MARK1: variants seen among roughly 807,000 people sequenced by gnomAD.
MARK1 encodes serine/threonine-protein kinase MARK1.
A neutral mutation model predicts 96.3 loss-of-function variants in MARK1; 40 were observed. The ratio of observed to expected loss-of-function variants is 0.42; its 90% CI spans 0.32 to 0.54. The LOEUF is 0.54. MARK1 is among the 20% of genes least tolerant of loss of function. MARK1 has a pLI of 0.16. For missense variants in MARK1, 719 were observed against 984.6 expected (o/e 0.73, Z 3.61); for synonymous variants, 317 against 341.2 (o/e 0.93, Z 0.78).
At chr1:220,548,561 G>T (rs1208692927) in intron 1 of MARK1, among the ~76,000 whole-genome samples, 1 of 152,132 alleles carries the variant, frequency 6.6e-6, no homozygotes, top group Admixed American at 6.5e-5. Flanking sequence ...CCAACATGGC[G>T]AAACTCCATC....
chr1:220,634,003 C>G (rs1667814669), intron 11 of MARK1, among the ~76,000 whole-genome samples: 1 of 152,120 alleles, frequency 6.6e-6, no homozygotes, highest in Admixed American at 6.5e-5. Context: ...AAGGACTTTA[C>G]AAATACTAAT....
intron 3 of MARK1, among the ~76,000 whole-genome samples, chr1:220,581,982 C>T (rs1664275404): frequency 6.6e-6 from 1 of 152,162 alleles, no homozygotes; most frequent in African/African-American, 2.4e-5. Flanking sequence ...ACCATTGTCA[C>T]ATATGTAATT....
At chr1:220,622,009 A>G (rs1558304521) in intron 9 of MARK1, among the ~76,000 whole-genome samples, 1 of 152,190 alleles carries the variant, frequency 6.6e-6, no homozygotes, top group Non-Finnish European at 1.5e-5. Flanking sequence ...GCAAACAGTT[A>G]TATAATTTTT....
intron 1 of MARK1, among the ~76,000 whole-genome samples, chr1:220,548,792 G>T (rs1661671865): frequency 6.6e-6 from 1 of 152,032 alleles, no homozygotes; most frequent in Admixed American, 6.6e-5. Flanking sequence ...AATAAATAAA[G>T]AACAAACACC....
chr1:220,579,616 C>A, intron 2 of MARK1, 59 bp downstream of exon 2: 1 of 1,379,486 alleles, frequency 7.2e-7, no homozygotes, highest in Non-Finnish European at 1.0e-6. Flanking sequence ...CTTGTTAAAG[C>A]TTCCTTATAG....
rs145926302 is a variant in MARK1 at position 220,652,127 on chromosome 1, C to T, written c.1713C>T (p.Asp571=). 81 of 1,611,302 alleles carry T rather than the reference C, an allele frequency of 5.0e-5. No homozygotes were observed. The highest frequency in any genetic ancestry group is 3.6e-4 in the African/African-American group (27 of 74,986). ...AAGTCACACTGCCAACCATTAAAGA[C>T]GGCTCTGAAGCTTACCGGCCTGGGT... ...PIKVTLPTIK[D]GSEAYRPGTT... Residue 571 remains aspartate, a synonymous_variant, in exon 15 of 18, where the codon GAC becomes GAT. Transcript: ENST00000366917.
intron 1 of MARK1, 29 bp downstream of exon 1, chr1:220,528,902 A>T: frequency 6.5e-7 from 1 of 1,544,350 alleles, no homozygotes. Flanking sequence ...CCTCGGGAGC[A>T]GTGGGGGCGA....
intron 5 of MARK1, among the ~76,000 whole-genome samples, chr1:220,601,852 A>G (rs1266802717): frequency 1.3e-5 from 2 of 152,202 alleles, no homozygotes; most frequent in Non-Finnish European, 2.9e-5. Flanking sequence ...TTTGGGAGGC[A>G]CAGTGGGGAG....
At chr1:220,623,797 G>A (rs926193646) in intron 9 of MARK1, among the ~76,000 whole-genome samples, 2 of 152,098 alleles carry the variant, frequency 1.3e-5, no homozygotes, top group African/African-American at 2.4e-5. Context: ...TACAATCTGT[G>A]TGCTTAGTAA....
chr1:220,568,290 A>G (rs974367551), intron 1 of MARK1, among the ~76,000 whole-genome samples: 2 of 152,168 alleles, frequency 1.3e-5, no homozygotes, highest in African/African-American at 4.8e-5. Context: ...TGCAAAGATG[A>G]GATTTAAGCA....
intron 9 of MARK1, chr1:220,627,621 G>A (rs1178884759): frequency 4.2e-6 from 1 of 235,996 alleles, no homozygotes; most frequent in Non-Finnish European, 8.4e-6. Context: ...TATGCTGGGT[G>A]AACTCTTCTA....
intron 1 of MARK1, among the ~76,000 whole-genome samples, chr1:220,571,565 G>A (rs1454283508): frequency 1.3e-5 from 2 of 152,066 alleles, no homozygotes; most frequent in East Asian, 3.9e-4. Context: ...TTATTGTATA[G>A]TAACATAATA....
chr1:220,656,133 T>C (rs1461500063), intron 16 of MARK1, among the ~76,000 whole-genome samples: 1 of 152,204 alleles, frequency 6.6e-6, no homozygotes, highest in Non-Finnish European at 1.5e-5. Context: ...TTTTAAGTGT[T>C]AAGTGTTGGA....
chr1:220,630,334 A>T (rs1017010736), intron 9 of MARK1, among the ~76,000 whole-genome samples: 2 of 152,120 alleles, frequency 1.3e-5, no homozygotes, highest in African/African-American at 4.8e-5. Context: ...CATTCTTTAC[A>T]TATTCTGAAT....
chr1:220,532,969 C>A (rs576463465), intron 1 of MARK1, among the ~76,000 whole-genome samples: 1 of 151,478 alleles, frequency 6.6e-6, no homozygotes, highest in Admixed American at 6.6e-5. Flanking sequence ...AAGATCACAC[C>A]GCTGCACTCC....
chr1:220,536,188 A>C (rs1660668238), intron 1 of MARK1, among the ~76,000 whole-genome samples: 1 of 152,086 alleles, frequency 6.6e-6, no homozygotes, highest in Non-Finnish European at 1.5e-5. Context: ...TTCGGCATAT[A>C]AGATAATCTC....
intron 3 of MARK1, among the ~76,000 whole-genome samples, chr1:220,590,429 A>G (rs1048695186): frequency 2.6e-5 from 4 of 152,060 alleles, no homozygotes; most frequent in South Asian, 2.1e-4. Context: ...TGGCCTGCAC[A>G]TGACTAGTTC....
At chr1:220,584,648 T>C (rs1664469381) in intron 3 of MARK1, among the ~76,000 whole-genome samples, 1 of 152,208 alleles carries the variant, frequency 6.6e-6, no homozygotes, top group African/African-American at 2.4e-5. Context: ...ATAATCTTTG[T>C]CATGTTGAAG....
At chr1:220,661,704 A>G (rs962986892) in intron 17 of MARK1, 108 bp from the exon 18 acceptor site, 2 of 745,956 alleles carry the variant, frequency 2.7e-6, no homozygotes, top group South Asian at 2.0e-5. Context: ...CAAATTAGGT[A>G]GTGTTATTAG....
Sources: gnomAD v4.1 joint callset for allele counts (sites outside exome capture counted in the v4.1 genomes callset) on GRCh38, gnomAD v4.1.1 for gene constraint, MANE v1.5 for transcripts, NCBI Gene and HGNC (gene_info 2026-07-23, HGNC 2026-07-21) for gene names.